The following NAALADL2 variants were observed in gnomAD, a reference collection of about 807,000 sequenced individuals.
NAALADL2 encodes inactive N-acetylated-alpha-linked acidic dipeptidase-like protein 2.
Under a neutral mutation model 87.2 loss-of-function variants are expected in NAALADL2, and 76 were observed. The ratio of observed to expected loss-of-function variants is 0.87; its 90% CI spans 0.72 to 1.05. The LOEUF (loss-of-function observed/expected upper bound fraction) is 1.05, where lower values mean the gene tolerates loss of function less well. Ranked by LOEUF, NAALADL2 falls within the 50% of genes least tolerant of loss-of-function variation. The probability of loss-of-function intolerance (pLI) is 0.00; values close to 1 mark genes in which losing one functional copy is unlikely to be tolerated. For missense variants in NAALADL2, 1,089 were observed against 945.8 expected (o/e 1.15, Z -1.99); for synonymous variants, 354 against 331.0 (o/e 1.07, Z -0.75).
At chr3:175,148,755 T>C (rs1731138026) in intron 2 of NAALADL2, among the ~76,000 whole-genome samples, 1 of 152,170 alleles carries the variant, frequency 6.6e-6, no homozygotes, top group Non-Finnish European at 1.5e-5. Flanking sequence ...TGACCATAAG[T>C]GTACAGTTTT....
chr3:175,645,733 G>A (rs1018159572), intron 11 of NAALADL2, among the ~76,000 whole-genome samples: 5 of 152,138 alleles, frequency 3.3e-5, no homozygotes, highest in African/African-American at 1.2e-4. Flanking sequence ...GAAGGTGGGA[G>A]TTAGTTGATA....
chr3:175,542,486 T>C (rs1404170252), intron 9 of NAALADL2, among the ~76,000 whole-genome samples: 1 of 152,322 alleles, frequency 6.6e-6, no homozygotes, highest in South Asian at 2.1e-4. Flanking sequence ...AAGACAGCCC[T>C]CCATTGTCCT....
chr3:175,246,572 G>T (rs920471290), intron 3 of NAALADL2, among the ~76,000 whole-genome samples: 3 of 152,180 alleles, frequency 2.0e-5, no homozygotes, highest in African/African-American at 7.2e-5. Flanking sequence ...ATGTTCCCCT[G>T]TGTGGAGTCC....
chr3:175,371,717 A>C (rs2148951993), intron 5 of NAALADL2, among the ~76,000 whole-genome samples: 1 of 151,786 alleles, frequency 6.6e-6, no homozygotes, highest in East Asian at 2.0e-4. Flanking sequence ...CCAGCTACTC[A>C]GGAGGCTGAA....
rs749780449 is a variant in NAALADL2 at position 175,096,994 on chromosome 3, A to G, written c.248A>G (p.Asn83Ser). 5 of 1,613,518 alleles carry G rather than the reference A, an allele frequency of 3.1e-6. No homozygotes were observed. The highest frequency in any genetic ancestry group is 1.1e-5 in the South Asian group (1 of 91,078). ...NLGHSETIDL[N>S]LDSIQPATSP... ...GGGCATTCAGAGACTATAGACCTCA[A>G]TCTTGATTCCATTCAACCAGCAACT... The change falls in exon 2 of 14, where the codon AAT becomes AGT. Residue 83 changes from asparagine to serine, a missense_variant. Transcript: ENST00000454872.
chr3:174,721,636 A>G (rs1195196018), intron 2 of NAALADL2, among the ~76,000 whole-genome samples: 1 of 152,216 alleles, frequency 6.6e-6, no homozygotes, highest in Non-Finnish European at 1.5e-5. Flanking sequence ...TCTCACTGAA[A>G]CAACTATGTA....
chr3:175,138,918 A>ATATATATATATATATATG (rs1553787384), intron 2 of NAALADL2, among the ~76,000 whole-genome samples: 1 of 136,390 alleles, frequency 7.3e-6, no homozygotes, highest in Non-Finnish European at 1.6e-5. Flanking sequence ...ATATATATAT[A>ATATATATATATATATATG]TATATATGAT....
At chr3:175,117,317 G>A (rs1204828192) in intron 2 of NAALADL2, among the ~76,000 whole-genome samples, 1 of 152,076 alleles carries the variant, frequency 6.6e-6, no homozygotes, top group Non-Finnish European at 1.5e-5. Context: ...CCATCAGAGT[G>A]AACAGGCAAT....
At chr3:175,657,839 G>A (rs1457532785) in intron 11 of NAALADL2, among the ~76,000 whole-genome samples, 1 of 152,122 alleles carries the variant, frequency 6.6e-6, no homozygotes, top group East Asian at 1.9e-4. Context: ...GCCTCCCAAA[G>A]TGCTAGGATT....
chr3:175,094,301 AAG>A (rs1040361521), intron 1 of NAALADL2, among the ~76,000 whole-genome samples: 5 of 152,048 alleles, frequency 3.3e-5, no homozygotes, highest in African/African-American at 1.2e-4. Flanking sequence ...GTTTAGGCCA[AAG>A]AGAAAAAAAA....
chr3:175,063,205 T>C (rs1343121845), intron 1 of NAALADL2, among the ~76,000 whole-genome samples: 1 of 152,146 alleles, frequency 6.6e-6, no homozygotes, highest in Non-Finnish European at 1.5e-5. Flanking sequence ...AGCTGAATTA[T>C]TGCAGTGTCA....
rs57196350 is a variant in NAALADL2 at position 175,591,784 on chromosome 3, GTATATATATATATATA to G, written c.1800+15625_1800+15640del. Reference sequence around the variant, plus strand: ...GCGCATGTGGTGTGTGTGTGTGTGTGTATATATATATATATATATATATATATATATATATATATAT... The same window carrying G: ...GCGCATGTGGTGTGTGTGTGTGTGTGTATATATATATATATATATATATAT... On this transcript the variant is annotated intron_variant, in intron 10 of 13. Transcript: ENST00000454872. Among the ~76,000 whole-genome samples the G allele has an allele frequency of 6.2e-3, 844 of 137,096 alleles. 23 individuals are homozygous for G. Among genetic ancestry groups the G allele is most frequent in the African/African-American group, 0.02 (706 of 36,012 alleles). The allele number at this position is 137,096 out of a possible 152,430, so 89.9% of individuals were successfully genotyped here. A position where few individuals can be genotyped will look rare whatever the true frequency, so the allele number is the denominator to read the frequency against.
chr3:175,588,974 G>A (rs1271846943), intron 10 of NAALADL2, among the ~76,000 whole-genome samples: 4 of 152,188 alleles, frequency 2.6e-5, no homozygotes, highest in African/African-American at 9.7e-5. Flanking sequence ...GTAGAATGGT[G>A]TGTTTTATAA....
intron 3 of NAALADL2, among the ~76,000 whole-genome samples, chr3:174,808,160 A>G (rs886798381): frequency 6.6e-6 from 1 of 152,156 alleles, no homozygotes; most frequent in South Asian, 2.1e-4. Flanking sequence ...AAATTTCCAC[A>G]TACAGGTATC....
intron 2 of NAALADL2, among the ~76,000 whole-genome samples, chr3:175,133,227 C>T (rs1458234138): frequency 6.6e-6 from 1 of 151,552 alleles, no homozygotes; most frequent in Non-Finnish European, 1.5e-5. Flanking sequence ...AGACGCTCCT[C>T]ACTTTCCAGA....
intron 1 of NAALADL2, among the ~76,000 whole-genome samples, chr3:174,502,880 T>A (rs1305793459): frequency 6.6e-6 from 1 of 151,850 alleles, no homozygotes; most frequent in Non-Finnish European, 1.5e-5. Flanking sequence ...AATATAAAAA[T>A]TATCCAGGCG....
At chr3:175,771,940 C>G (rs987291627) in intron 13 of NAALADL2, among the ~76,000 whole-genome samples, 1 of 152,226 alleles carries the variant, frequency 6.6e-6, no homozygotes, top group African/African-American at 2.4e-5. Context: ...ACCATCAGAT[C>G]TCCTGAGAAC....
intron 9 of NAALADL2, among the ~76,000 whole-genome samples, chr3:175,488,482 C>T (rs1453539201): frequency 1.3e-5 from 2 of 152,230 alleles, no homozygotes; most frequent in African/African-American, 4.8e-5. Flanking sequence ...CGTGCACATT[C>T]ATCTATGTGT....
At chr3:175,639,833 T>G (rs1999587) in intron 11 of NAALADL2, among the ~76,000 whole-genome samples, 54,722 of 151,946 alleles carry the variant, frequency 0.36, 13,557 homozygotes, top group African/African-American at 0.72. Flanking sequence ...GAAGAATAAA[T>G]CTAAGAAAGA....
Sources: allele counts gnomAD v4.1 joint callset (sites outside exome capture counted in the v4.1 genomes callset), GRCh38; gene constraint gnomAD v4.1.1; transcripts MANE v1.5; gene names NCBI Gene and HGNC (gene_info 2026-07-23, HGNC 2026-07-21).